Variants in DOCK5 observed in about 807,000 individuals in gnomAD.
DOCK5 encodes dedicator of cytokinesis 5.
A neutral mutation model predicts 251.8 loss-of-function variants in DOCK5; 142 were observed. The observed-to-expected ratio is 0.56, with a 90% confidence interval of 0.49 to 0.65. The LOEUF is 0.65. Among genes scored for constraint, DOCK5 ranks in the 30% least tolerant of loss-of-function variants. The pLI is 0.00. For missense variants in DOCK5, 2,111 were observed against 2,312.3 expected (o/e 0.91, Z 1.79); for synonymous variants, 842 against 835.5 (o/e 1.01, Z -0.13).
chr8:25,410,838 T>C (rs1801609338), intron 51 of DOCK5, among the ~76,000 whole-genome samples: 1 of 151,848 alleles, frequency 6.6e-6, no homozygotes, highest in Admixed American at 6.6e-5. Flanking sequence ...TGACCTCAGA[T>C]GGGTTTCCTT....
chr8:25,192,223 A>G (rs1219774085), intron 1 of DOCK5, among the ~76,000 whole-genome samples: 2 of 152,088 alleles, frequency 1.3e-5, no homozygotes, highest in Admixed American at 6.5e-5. Context: ...ATGTGCCACA[A>G]TAAACATACA....
In DOCK5 at chr8:25,345,952, C is replaced by T. The variant is rs190258880; in HGVS notation, c.2754+341C>T. Among the ~76,000 whole-genome samples the T allele has an allele frequency of 9.9e-3, 1,514 of 152,224 alleles. 17 individuals carry two copies. Among genetic ancestry groups the T allele is most frequent in the African/African-American group, 0.035 (1,461 of 41,552 alleles). ...GCAAGCTCCGCCTCCCGGGTTCACG[C>T]CATTCTCCTGTCCCAGCCTCCCGAG... On this transcript the variant is annotated intron_variant, in intron 26 of 51. Coordinates refer to ENST00000276440, the MANE Select transcript of DOCK5 (RefSeq NM_024940.8).
intron 5 of DOCK5, among the ~76,000 whole-genome samples, chr8:25,289,325 T>C (rs1304554108): frequency 6.6e-6 from 1 of 151,788 alleles, no homozygotes; most frequent in Non-Finnish European, 1.5e-5. Flanking sequence ...TGTTTGTTTG[T>C]TTATTTTACA....
Position 25,310,495 on chromosome 8 carries a change from A to G in DOCK5, c.1281A>G (p.Ile427Met). Reference protein sequence around the residue: ...FSHLVDRSTAIARKMGFPEII... With the variant: ...FSHLVDRSTAMARKMGFPEII... ...ACTTGGTTGATAGATCAACAGCAAT[A>G]GCCCGGAAGATGGGCTTTCCTGAAA... Residue 427 changes from isoleucine (I) to methionine (M), a missense_variant, in exon 13 of 52, where the codon ATA becomes ATG. Ile to Met is a conservative substitution (Grantham distance 10, BLOSUM62 1). Coordinates refer to ENST00000276440, the MANE Select transcript of DOCK5 (RefSeq NM_024940.8). 1.2e-6 allele frequency: 2 copies of G among 1,613,450 alleles called. No homozygotes were observed. Among genetic ancestry groups the G allele is most frequent in the East Asian group, 4.5e-5 (2 of 44,868 alleles).
At chr8:25,345,744 G>C (rs781071888) in intron 26 of DOCK5, 133 bp downstream of exon 26, 8 of 1,301,838 alleles carry the variant, frequency 6.1e-6, no homozygotes, top group Admixed American at 2.1e-5. Flanking sequence ...GCCCATTTTA[G>C]AGATAATTAG....
intron 26 of DOCK5, among the ~76,000 whole-genome samples, chr8:25,345,919 G>T (rs1261568235): frequency 5.9e-5 from 9 of 151,908 alleles, no homozygotes; most frequent in Non-Finnish European, 1.3e-4. Context: ...GCGCGATCTC[G>T]GCTCACTGCA....
intron 1 of DOCK5, among the ~76,000 whole-genome samples, chr8:25,193,081 T>A (rs1563302506): frequency 6.6e-6 from 1 of 152,182 alleles, no homozygotes; most frequent in Non-Finnish European, 1.5e-5. Flanking sequence ...TTCAGTATAG[T>A]GTCCATTCTC....
chr8:25,194,833 T>C (rs1401582066), intron 1 of DOCK5, among the ~76,000 whole-genome samples: 1 of 152,102 alleles, frequency 6.6e-6, no homozygotes, highest in East Asian at 1.9e-4. Flanking sequence ...CTGTCCTTCC[T>C]CCAAAATATG....
At chr8:25,347,341 C>T (rs2117242962) in intron 26 of DOCK5, among the ~76,000 whole-genome samples, 1 of 152,286 alleles carries the variant, frequency 6.6e-6, no homozygotes, top group Admixed American at 6.5e-5. Context: ...GCCCCTGTAG[C>T]CCACTTACTC....
intron 51 of DOCK5, among the ~76,000 whole-genome samples, chr8:25,410,972 T>TGTGTGTGC (rs1331552371): frequency 5.2e-5 from 1 of 19,192 alleles, no homozygotes; most frequent in Non-Finnish European, 1.2e-4. Context: ...TGTGTGTGTG[T>TGTGTGTGC]GCGCGCGCGC....
Position 25,367,849 on chromosome 8 carries a change from T to C in DOCK5, c.3225-343T>C, listed in dbSNP as rs552466934. Among the ~76,000 whole-genome samples the C allele has an allele frequency of 3.3e-5, 5 of 152,318 alleles. No homozygotes were observed. In the East Asian group the frequency reaches 9.6e-4, roughly 29 times the overall value. ...GTCACCTGTTAGGCATTAGTCACAG[T>C]ACTGTATGATCATACTTCATTCACC... is the stretch of plus-strand genomic sequence containing the variant. On this transcript the variant is annotated intron_variant, in intron 31 of 51. Transcript: ENST00000276440.
chr8:25,397,933 A>T (rs1009353039), intron 45 of DOCK5, among the ~76,000 whole-genome samples: 4 of 152,250 alleles, frequency 2.6e-5, no homozygotes, highest in Non-Finnish European at 5.9e-5. Flanking sequence ...TAAACGTAAG[A>T]AAAAGGTAAA....
At position 25,275,371 on chromosome 8, in the gene DOCK5, T is replaced by G. The variant is rs1487107868; in HGVS notation, c.169-15T>G. Reference sequence around the variant, plus strand: ...TGTTTTTATGGCCATATAACCAAAATTCTTTTCTCTGTAGGGCATTTTCCC... The same window carrying G: ...TGTTTTTATGGCCATATAACCAAAAGTCTTTTCTCTGTAGGGCATTTTCCC... On this transcript the variant is annotated splice_polypyrimidine_tract_variant and intron_variant, in intron 3 of 51. Transcript: ENST00000276440. 6.3e-7 allele frequency: 1 copy of G among 1,592,998 alleles called. No homozygotes were observed. The highest frequency in any genetic ancestry group is 1.4e-5 in the African/African-American group (1 of 73,370).
intron 1 of DOCK5, among the ~76,000 whole-genome samples, chr8:25,207,944 A>G (rs1359231756): frequency 6.6e-6 from 1 of 152,226 alleles, no homozygotes; most frequent in Non-Finnish European, 1.5e-5. Context: ...CCCATTCTAA[A>G]TGCCACTAAG....
At chr8:25,373,343 C>T (rs1800908526) in intron 35 of DOCK5, among the ~76,000 whole-genome samples, 1 of 152,110 alleles carries the variant, frequency 6.6e-6, no homozygotes, top group African/African-American at 2.4e-5. Context: ...TTTAGAGCAC[C>T]CGTCACCCGA....
intron 2 of DOCK5, among the ~76,000 whole-genome samples, chr8:25,264,791 C>T (rs1274973695): frequency 6.6e-6 from 1 of 151,970 alleles, no homozygotes; most frequent in Non-Finnish European, 1.5e-5. Context: ...TGCACCACTG[C>T]ACTCCAGCCT....
intron 8 of DOCK5, among the ~76,000 whole-genome samples, chr8:25,299,690 C>G (rs1804710303): frequency 6.6e-6 from 1 of 152,120 alleles, no homozygotes; most frequent in Non-Finnish European, 1.5e-5. Context: ...AAAGCCAAAA[C>G]TGCTCTAAGA....
intron 1 of DOCK5, among the ~76,000 whole-genome samples, chr8:25,217,223 C>T (rs1003483779): frequency 2.7e-5 from 4 of 149,382 alleles, no homozygotes; most frequent in Non-Finnish European, 3.0e-5. Flanking sequence ...TGTATACATA[C>T]AATATGTATA....
chr8:25,311,838 C>T (rs1481676403), intron 13 of DOCK5, among the ~76,000 whole-genome samples: 3 of 151,544 alleles, frequency 2.0e-5, no homozygotes, highest in Admixed American at 6.6e-5. Flanking sequence ...AGGAGAATCG[C>T]TTGAGCCTGA....
Sources: gnomAD v4.1 joint callset for allele counts (sites outside exome capture counted in the v4.1 genomes callset) on GRCh38, gnomAD v4.1.1 for gene constraint, MANE v1.5 for transcripts, NCBI Gene and HGNC (gene_info 2026-07-23, HGNC 2026-07-21) for gene names.